Variants in CNTN5 observed in about 807,000 individuals in gnomAD.
CNTN5 encodes the protein contactin-5.
In CNTN5, 77 loss-of-function variants were observed where a neutral mutation model predicts 129.1. The observed-to-expected ratio is 0.60, with a 90% confidence interval of 0.50 to 0.72. CNTN5 has a LOEUF of 0.72. Ranked by LOEUF, CNTN5 falls within the 30% of genes least tolerant of loss-of-function variation. The pLI is 0.00. For missense variants in CNTN5, 1,478 were observed against 1,328.8 expected, an observed-to-expected ratio of 1.11 and a Z score of -1.75; for synonymous variants, 509 against 465.6, an observed-to-expected ratio of 1.09 and a Z score of -1.20.
At chr11:99,943,550 T>C (rs1445980083) in intron 7 of CNTN5, among the ~76,000 whole-genome samples, 1 of 152,210 alleles carries the variant, frequency 6.6e-6, no homozygotes, top group Non-Finnish European at 1.5e-5. Context: ...AGATCCCATT[T>C]GTCAGTGTTC....
chr11:99,361,398 C>G (rs1215221287), intron 2 of CNTN5, among the ~76,000 whole-genome samples: 1 of 152,132 alleles, frequency 6.6e-6, no homozygotes, highest in Non-Finnish European at 1.5e-5. Flanking sequence ...AACATAGTAT[C>G]TGGGACTAAT....
intron 2 of CNTN5, among the ~76,000 whole-genome samples, chr11:99,372,822 TTTTTA>T (rs1344622604): frequency 6.6e-6 from 1 of 152,194 alleles, no homozygotes; most frequent in African/African-American, 2.4e-5. Context: ...CGGCATAAAG[TTTTTA>T]TTTTGTTTTG....
chr11:99,762,997 T>C (rs1302678960), intron 3 of CNTN5, among the ~76,000 whole-genome samples: 1 of 152,146 alleles, frequency 6.6e-6, no homozygotes, highest in African/African-American at 2.4e-5. Context: ...TTGACATCCT[T>C]ATTTGATAGC....
intron 8 of CNTN5, among the ~76,000 whole-genome samples, chr11:99,985,609 T>G (rs1938623986): frequency 6.6e-6 from 1 of 152,116 alleles, no homozygotes; most frequent in Admixed American, 6.5e-5. Flanking sequence ...GGGCCATGGG[T>G]TTCAGGCTTT....
At chr11:99,821,838 G>A (rs1369900281) in intron 4 of CNTN5, among the ~76,000 whole-genome samples, 1 of 152,182 alleles carries the variant, frequency 6.6e-6, no homozygotes, top group Non-Finnish European at 1.5e-5. Flanking sequence ...TGAGTGGCAA[G>A]GCTCTAGGCT....
intron 3 of CNTN5, among the ~76,000 whole-genome samples, chr11:99,726,006 T>C (rs1364253546): frequency 6.6e-6 from 1 of 152,250 alleles, no homozygotes; most frequent in Non-Finnish European, 1.5e-5. Flanking sequence ...GTCTTACTTA[T>C]TTGGCTATTC....
At chr11:99,544,187 G>C (rs1269877871) in intron 2 of CNTN5, among the ~76,000 whole-genome samples, 2 of 152,128 alleles carry the variant, frequency 1.3e-5, no homozygotes, top group East Asian at 3.9e-4. Context: ...AGAGGATCTT[G>C]TGAGAACTCG....
intron 2 of CNTN5, among the ~76,000 whole-genome samples, chr11:99,370,261 G>T (rs969764519): frequency 6.6e-6 from 1 of 152,136 alleles, no homozygotes; most frequent in Non-Finnish European, 1.5e-5. Context: ...GTTATCTTTG[G>T]ATTAATTTTC....
At chr11:99,829,754 G>T (rs1232020058) in intron 4 of CNTN5, among the ~76,000 whole-genome samples, 1 of 152,168 alleles carries the variant, frequency 6.6e-6, no homozygotes, top group Non-Finnish European at 1.5e-5. Flanking sequence ...TACAAAGAGT[G>T]ACATTTAAGT....
At chr11:99,498,213 T>C (rs113201517) in intron 2 of CNTN5, among the ~76,000 whole-genome samples, 1 of 152,160 alleles carries the variant, frequency 6.6e-6, no homozygotes, top group African/African-American at 2.4e-5. Flanking sequence ...TAAACAGTAT[T>C]GATTTTTATA....
At position 99,916,145 on chromosome 11, in the gene CNTN5, A is replaced by G. The variant is rs548507400; in HGVS notation, c.669A>G (p.Ser223=). The change falls in exon 7 of 25, where the codon TCA becomes TCG. Residue 223 remains serine, a synonymous_variant. Coordinates refer to ENST00000524871, the MANE Select transcript of CNTN5 (RefSeq NM_014361.4). Reference sequence around the variant, plus strand: ...TGATGTGCTCTCCTCCGCCACATTCACCAGGTACAGTAGGATCTCATTCTT... The same window carrying G: ...TGATGTGCTCTCCTCCGCCACATTCGCCAGGTACAGTAGGATCTCATTCTT... ...VVLMCSPPPH[S]PEIIYSWVFN... 1 of 1,610,336 alleles carries G rather than the reference A, an allele frequency of 6.2e-7. No homozygotes were observed. The highest frequency in any genetic ancestry group is 1.7e-5 in the Admixed American group (1 of 59,602).
intron 1 of CNTN5, among the ~76,000 whole-genome samples, chr11:99,270,133 AT>A (rs1228908519): frequency 6.6e-6 from 1 of 151,680 alleles, no homozygotes; most frequent in Non-Finnish European, 1.5e-5. Context: ...ACTGTTCCAT[AT>A]TTTTGTGTTT....
chr11:99,281,023 A>G (rs1253386969), intron 1 of CNTN5, among the ~76,000 whole-genome samples: 1 of 151,902 alleles, frequency 6.6e-6, no homozygotes, highest in Non-Finnish European at 1.5e-5. Context: ...CAGTGCATGG[A>G]TTGATCAATA....
intron 21 of CNTN5, chr11:100,337,613 A>C: frequency 1.1e-5 from 8 of 717,682 alleles, no homozygotes; most frequent in Non-Finnish European, 2.1e-5. Context: ...TTAAATCCAC[A>C]GATGCAGAAT....
chr11:99,598,339 T>C (rs1433681219), intron 3 of CNTN5, among the ~76,000 whole-genome samples: 9 of 41,596 alleles, frequency 2.2e-4, no homozygotes, highest in African/African-American at 5.0e-4. Flanking sequence ...CCTCTCTCTC[T>C]CTCTCTCTCT....
At chr11:99,130,317 G>C (rs918209013) in intron 1 of CNTN5, among the ~76,000 whole-genome samples, 1 of 152,160 alleles carries the variant, frequency 6.6e-6, no homozygotes, top group South Asian at 2.1e-4. Flanking sequence ...TGCAATCCTA[G>C]TTTCTGACAA....
chr11:100,317,281 T>TG (rs1370963435), intron 21 of CNTN5, among the ~76,000 whole-genome samples: 4 of 152,106 alleles, frequency 2.6e-5, no homozygotes, highest in East Asian at 1.9e-4. Context: ...TTACTTTGTA[T>TG]GGGGGGGAGG....
chr11:99,312,371 G>A (rs1865150716), intron 1 of CNTN5, among the ~76,000 whole-genome samples: 1 of 152,000 alleles, frequency 6.6e-6, no homozygotes, highest in South Asian at 2.1e-4. Flanking sequence ...TATCCTGTAT[G>A]AGCCTTCGAT....
At chr11:99,582,130 C>A (rs1197528904) in intron 3 of CNTN5, among the ~76,000 whole-genome samples, 1 of 152,100 alleles carries the variant, frequency 6.6e-6, no homozygotes, top group Non-Finnish European at 1.5e-5. Context: ...AAATTCTTTT[C>A]TTTAAGAATG....
Sources: gnomAD v4.1 joint callset for allele counts (sites outside exome capture counted in the v4.1 genomes callset) on GRCh38, gnomAD v4.1.1 for gene constraint, MANE v1.5 for transcripts, NCBI Gene and HGNC (gene_info 2026-07-23, HGNC 2026-07-21) for gene names.